The following PRORP variants were observed in gnomAD, a reference collection of about 807,000 sequenced individuals.
PRORP encodes mitochondrial ribonuclease P catalytic subunit.
PRORP carries 51 observed loss-of-function variants against 59.4 expected under a neutral mutation model. The ratio of observed to expected loss-of-function variants is 0.86; its 90% confidence interval spans 0.69 to 1.08. The LOEUF is 1.08. Ranked by LOEUF, PRORP falls within the 50% of genes least tolerant of loss-of-function variation. The pLI, the probability that PRORP is intolerant of heterozygous loss-of-function variation, is 0.00. For missense variants in PRORP, 646 were observed against 690.3 expected (o/e 0.94, Z 0.72); for synonymous variants, 231 against 245.6 (o/e 0.94, Z 0.55).
intron 5 of PRORP, among the ~76,000 whole-genome samples, chr14:35,205,808 G>A (rs1029916096): frequency 6.6e-5 from 10 of 152,138 alleles, no homozygotes; most frequent in African/African-American, 1.9e-4. Flanking sequence ...GGATGAAAAC[G>A]TGGCTAATTT....
At chr14:35,133,598 G>A (rs1237051121) in intron 4 of PRORP, among the ~76,000 whole-genome samples, 3 of 152,122 alleles carry the variant, frequency 2.0e-5, no homozygotes, top group African/African-American at 7.2e-5. Flanking sequence ...GGTATTTATT[G>A]TAGTCTTTGC....
At chr14:35,160,393 A>G (rs954508912) in intron 4 of PRORP, among the ~76,000 whole-genome samples, 19 of 152,228 alleles carry the variant, frequency 1.2e-4, no homozygotes, top group African/African-American at 4.6e-4. Context: ...TACATATTTA[A>G]CATTAGTCAG....
intron 4 of PRORP, among the ~76,000 whole-genome samples, chr14:35,138,797 AT>A (rs368407981): frequency 5.5e-4 from 75 of 136,566 alleles, no homozygotes; most frequent in Admixed American, 7.8e-4. Context: ...AAAGATATTG[AT>A]TTTTTTTTTT....
At chr14:35,216,312 TG>T (rs774843600) in intron 5 of PRORP, among the ~76,000 whole-genome samples, 41 of 148,462 alleles carry the variant, frequency 2.8e-4, no homozygotes, top group East Asian at 3.9e-4. Flanking sequence ...GGGTTTTTTT[TG>T]TTGTTGTTGT....
At chr14:35,250,764 T>C (rs2050593635) in intron 5 of PRORP, among the ~76,000 whole-genome samples, 1 of 152,210 alleles carries the variant, frequency 6.6e-6, no homozygotes, top group Non-Finnish European at 1.5e-5. Flanking sequence ...AAGAGGGAGA[T>C]ATTGCCAGAG....
At chr14:35,219,712 C>A (rs1255290992) in intron 5 of PRORP, among the ~76,000 whole-genome samples, 1 of 152,002 alleles carries the variant, frequency 6.6e-6, no homozygotes, top group Non-Finnish European at 1.5e-5. Flanking sequence ...TTTATACTGG[C>A]AAATTCTTGT....
intron 5 of PRORP, among the ~76,000 whole-genome samples, chr14:35,248,902 A>T (rs1392087364): frequency 6.6e-6 from 1 of 152,214 alleles, no homozygotes; most frequent in African/African-American, 2.4e-5. Context: ...AAACAAGTAG[A>T]AAACCGCACT....
chr14:35,255,081 A>G (rs966427910), intron 5 of PRORP, among the ~76,000 whole-genome samples: 1 of 152,076 alleles, frequency 6.6e-6, no homozygotes, highest in African/African-American at 2.4e-5. Flanking sequence ...ATTATATTAT[A>G]TTAATTTGAC....
chr14:35,214,290 TA>T (rs1205026877), intron 5 of PRORP, among the ~76,000 whole-genome samples: 1 of 152,236 alleles, frequency 6.6e-6, no homozygotes, highest in Non-Finnish European at 1.5e-5. Context: ...TAGCCATTTG[TA>T]AACCAGCCTA....
chr14:35,258,106 G>A (rs1163231255), intron 5 of PRORP, among the ~76,000 whole-genome samples: 1 of 151,382 alleles, frequency 6.6e-6, no homozygotes, highest in Non-Finnish European at 1.5e-5. Flanking sequence ...AGCCAAATTA[G>A]GGCAGAAGCC....
intron 5 of PRORP, chr14:35,219,076 T>C: frequency 1.3e-5 from 2 of 152,304 alleles, no homozygotes; most frequent in Admixed American, 1.3e-4. Context: ...AGAACAAATA[T>C]ATACAGGAGA....
At chr14:35,259,564 G>A (rs1040016688) in intron 5 of PRORP, among the ~76,000 whole-genome samples, 10 of 151,674 alleles carry the variant, frequency 6.6e-5, no homozygotes, top group Non-Finnish European at 1.0e-4. Flanking sequence ...TTAGAATTCC[G>A]TTTTTATTTC....
At chr14:35,167,031 T>C (rs2138975355) in intron 4 of PRORP, among the ~76,000 whole-genome samples, 1 of 152,340 alleles carries the variant, frequency 6.6e-6, no homozygotes, top group South Asian at 2.1e-4. Context: ...AGATGCCATT[T>C]ATAATTCTTC....
chr14:35,208,317 T>G (rs1183345520), intron 5 of PRORP, among the ~76,000 whole-genome samples: 1 of 152,074 alleles, frequency 6.6e-6, no homozygotes, highest in African/African-American at 2.4e-5. Flanking sequence ...GGTGAGCGCT[T>G]GTAGTCCCAG....
intron 5 of PRORP, among the ~76,000 whole-genome samples, chr14:35,204,255 G>GA (rs1387772984): frequency 6.6e-6 from 1 of 151,386 alleles, no homozygotes; most frequent in Non-Finnish European, 1.5e-5. Flanking sequence ...AAAGAAATGA[G>GA]AAAAAAAAAT....
rs191706069 is a variant in PRORP, at chr14:35,252,108, G to A, written c.1276-14619G>A. Reference sequence around the variant, plus strand: ...ATGTTTCTACCAGAAAGTGCATTTTGGCCAAATATTAACATGAAACCAGAA... The same window carrying A: ...ATGTTTCTACCAGAAAGTGCATTTTAGCCAAATATTAACATGAAACCAGAA... On this transcript the variant is annotated intron_variant, in intron 5 of 7. Transcript: ENST00000534898. Among the ~76,000 whole-genome samples, 8 of 152,192 alleles carry A rather than the reference G, an allele frequency of 5.3e-5. No homozygotes were observed. In the East Asian group the frequency reaches 1.5e-3, roughly 29 times the overall value.
rs902873008 is a variant in PRORP at position 35,179,371 on chromosome 14, A to G, written c.1168-1299A>G. On this transcript the variant is annotated intron_variant, in intron 4 of 7. Coordinates refer to ENST00000534898, the MANE Select transcript of PRORP (RefSeq NM_014672.4). ...TCCATTCTCCCTGTCACTTTCAGGTACACCAATCAGACATAGATTTGGTCT... is the reference window on the plus strand; with the variant it reads ...TCCATTCTCCCTGTCACTTTCAGGTGCACCAATCAGACATAGATTTGGTCT... Among the ~76,000 whole-genome samples, 4 of 152,306 alleles carry G rather than the reference A, an allele frequency of 2.6e-5. No homozygotes were observed. The East Asian group carries it at 5.8e-4, about 22-fold the overall frequency.
chr14:35,179,993 G>A (rs1389725133), intron 4 of PRORP, among the ~76,000 whole-genome samples: 1 of 152,318 alleles, frequency 6.6e-6, no homozygotes, highest in South Asian at 2.1e-4. Flanking sequence ...GTTTGCTGGA[G>A]GTCCACTCCA....
chr14:35,236,912 ATCT>A (rs969818400), intron 5 of PRORP, among the ~76,000 whole-genome samples: 67 of 147,892 alleles, frequency 4.5e-4, no homozygotes, highest in African/African-American at 1.7e-3. Context: ...TCTCTCTCTC[ATCT>A]TCTTTCTTTC....
Sources: gnomAD v4.1 joint callset for allele counts (sites outside exome capture counted in the v4.1 genomes callset) on GRCh38, gnomAD v4.1.1 for gene constraint, MANE v1.5 for transcripts, NCBI Gene and HGNC (gene_info 2026-07-23, HGNC 2026-07-21) for gene names.